Variants in CCDC7 observed in about 807,000 individuals in gnomAD.
The protein encoded by CCDC7 is coiled-coil domain containing 7.
In CCDC7, 183 loss-of-function variants were observed where a neutral mutation model predicts 196.9. The ratio of observed to expected loss-of-function variants is 0.93; its 90% confidence interval spans 0.82 to 1.05. The LOEUF is 1.05. Among genes scored for constraint, CCDC7 ranks in the 50% least tolerant of loss-of-function variants. CCDC7 has a pLI of 0.00. For synonymous variants in CCDC7, 525 were observed against 484.6 expected (o/e 1.08, Z -1.10); for missense variants, 1,540 against 1,482.2 (o/e 1.04, Z -0.64).
intron 21 of CCDC7, among the ~76,000 whole-genome samples, chr10:32,681,648 G>A (rs986258839): frequency 1.3e-5 from 2 of 151,874 alleles, no homozygotes; most frequent in African/African-American, 4.8e-5. Context: ...TTGCCAGGTA[G>A]TGCCTTTGTA....
At chr10:32,714,886 CAGT>C (rs1236987239) in intron 25 of CCDC7, among the ~76,000 whole-genome samples, 1 of 152,308 alleles carries the variant, frequency 6.6e-6, no homozygotes, top group African/African-American at 2.4e-5. Context: ...GAAAGAAAGG[CAGT>C]AGCCCCAGCC....
intron 16 of CCDC7, among the ~76,000 whole-genome samples, chr10:32,574,167 T>C (rs2057912750): frequency 6.6e-6 from 1 of 151,930 alleles, no homozygotes; most frequent in East Asian, 1.9e-4. Context: ...ATCTATACAG[T>C]GTGCTCAGGA....
chr10:32,539,146 TTTTTTTGGTAAG>T (rs2050993218), intron 11 of CCDC7, among the ~76,000 whole-genome samples: 1 of 152,170 alleles, frequency 6.6e-6, no homozygotes, highest in South Asian at 2.1e-4. Flanking sequence ...TCCTGGGCTT[TTTTTTTGGTAAG>T]CTTTTTGTTA....
At chr10:32,568,241 G>A (rs1402375104) in intron 15 of CCDC7, among the ~76,000 whole-genome samples, 1 of 152,004 alleles carries the variant, frequency 6.6e-6, no homozygotes, top group African/African-American at 2.4e-5. Context: ...TCCTGACCTC[G>A]TGATCTGCCT....
At chr10:32,826,641 A>G (rs1383363936) in intron 32 of CCDC7, among the ~76,000 whole-genome samples, 2 of 152,226 alleles carry the variant, frequency 1.3e-5, no homozygotes, top group Non-Finnish European at 2.9e-5. Flanking sequence ...GCCTGCACCA[A>G]TGGCCTCATG....
intron 28 of CCDC7, among the ~76,000 whole-genome samples, chr10:32,730,581 A>C (rs1023243992): frequency 1.2e-4 from 18 of 151,990 alleles, no homozygotes; most frequent in Admixed American, 1.0e-3. Context: ...AAATATATTT[A>C]ATACCCATGT....
At chr10:32,477,581 G>T (rs78102643) in intron 8 of CCDC7, among the ~76,000 whole-genome samples, 20,270 of 151,342 alleles carry the variant, frequency 0.13, 1,606 homozygotes, top group African/African-American at 0.22. Flanking sequence ...TGGATGTCCA[G>T]TTGTTTCAGC....
At chr10:32,780,095 G>A (rs1451063708) in intron 29 of CCDC7, among the ~76,000 whole-genome samples, 1 of 152,120 alleles carries the variant, frequency 6.6e-6, no homozygotes, top group Non-Finnish European at 1.5e-5. Flanking sequence ...AAATTAGACA[G>A]GCATGGTGGT....
At chr10:32,556,530 G>A (rs781738514) in intron 13 of CCDC7, among the ~76,000 whole-genome samples, 10 of 151,736 alleles carry the variant, frequency 6.6e-5, no homozygotes, top group Non-Finnish European at 8.8e-5. Context: ...CTTTTATCCC[G>A]CTGAGACTCG....
At chr10:32,675,984 A>C (rs1591469149) in intron 21 of CCDC7, among the ~76,000 whole-genome samples, 1 of 151,748 alleles carries the variant, frequency 6.6e-6, no homozygotes, top group Non-Finnish European at 1.5e-5. Flanking sequence ...ACTTCCAACT[A>C]TACTACAAGG....
intron 16 of CCDC7, among the ~76,000 whole-genome samples, chr10:32,576,969 TTCTC>T (rs1197425235): frequency 6.6e-6 from 1 of 152,164 alleles, no homozygotes; most frequent in Non-Finnish European, 1.5e-5. Context: ...ATTCAGTTCT[TTCTC>T]ATGGACATAT....
intron 20 of CCDC7, among the ~76,000 whole-genome samples, chr10:32,647,403 G>A (rs2067957367): frequency 9.5e-6 from 1 of 105,444 alleles, no homozygotes; most frequent in African/African-American, 3.2e-5. Flanking sequence ...CAGCTACCTG[G>A]GAGGCTCAGG....
intron 24 of CCDC7, among the ~76,000 whole-genome samples, chr10:32,698,943 G>T (rs982428082): frequency 6.6e-6 from 1 of 152,212 alleles, no homozygotes; most frequent in African/African-American, 2.4e-5. Flanking sequence ...AATGTTAAGG[G>T]CAGCTGGAGA....
chr10:32,707,997 A>G (rs1314145722), intron 24 of CCDC7, among the ~76,000 whole-genome samples: 1 of 152,192 alleles, frequency 6.6e-6, no homozygotes, highest in African/African-American at 2.4e-5. Flanking sequence ...AAACCAAAAA[A>G]GAGCCCGCAT....
chr10:32,655,736 G>T (rs1397023035), intron 20 of CCDC7, among the ~76,000 whole-genome samples: 1 of 152,032 alleles, frequency 6.6e-6, no homozygotes, highest in African/African-American at 2.4e-5. Context: ...GTAGAGATGG[G>T]GTTTCACTGT....
intron 18 of CCDC7, among the ~76,000 whole-genome samples, chr10:32,612,950 G>A (rs911982056): frequency 6.6e-6 from 1 of 152,036 alleles, no homozygotes; most frequent in African/African-American, 2.4e-5. Flanking sequence ...AATGAGTTAG[G>A]TGGGAGTTCC....
At chr10:32,680,715 G>A (rs1283008446) in intron 21 of CCDC7, among the ~76,000 whole-genome samples, 2 of 151,948 alleles carry the variant, frequency 1.3e-5, no homozygotes, top group Non-Finnish European at 2.9e-5. Flanking sequence ...TGGCGTCAAG[G>A]GTTGTCAAGA....
At chr10:32,482,643 C>G (rs1411569679) in intron 8 of CCDC7, among the ~76,000 whole-genome samples, 2 of 150,398 alleles carry the variant, frequency 1.3e-5, no homozygotes, top group African/African-American at 4.9e-5. Flanking sequence ...TGCTATCCCT[C>G]CCACCTCCCC....
chr10:32,570,656 G>T (rs2057424877), intron 15 of CCDC7, among the ~76,000 whole-genome samples: 1 of 152,196 alleles, frequency 6.6e-6, no homozygotes, highest in Admixed American at 6.5e-5. Context: ...CTAGCTATCA[G>T]AAAAGAATAT....
Sources: gnomAD v4.1 joint callset for allele counts (sites outside exome capture counted in the v4.1 genomes callset) on GRCh38, gnomAD v4.1.1 for gene constraint, MANE v1.5 for transcripts, NCBI Gene and HGNC (gene_info 2026-07-23, HGNC 2026-07-21) for gene names.